The following MIR2052HG variants were observed in gnomAD, a reference collection of about 807,000 sequenced individuals.
MIR2052HG encodes the protein MIR2052 host gene.
Position 74,750,027 on chromosome 8 carries a change from C to G in MIR2052HG, n.372-2414C>G, listed in dbSNP as rs1809928272. On this transcript the variant is annotated intron_variant and non_coding_transcript_variant, in intron 4 of 6. Transcript: ENST00000523442. The stretch of plus-strand genomic sequence containing the variant: ...TTACATTTCTTTTCTCTGAGAGTCT[C>G]AAAGTCCAGTGGAGGGTCAGCCTGA... 3.3e-5 allele frequency among the ~76,000 whole-genome samples: 5 copies of G among 152,198 alleles called. No individual in the cohort carries two copies. In the South Asian group the frequency reaches 1.0e-3, roughly 32 times the overall value.
intron 2 of MIR2052HG, among the ~76,000 whole-genome samples, chr8:74,696,071 G>A (rs1271430416): frequency 6.6e-6 from 1 of 152,008 alleles, no homozygotes; most frequent in Non-Finnish European, 1.5e-5. Flanking sequence ...CATATAATAG[G>A]CCACAAAACA....
chr8:74,615,703 T>C (rs546192587), intron 2 of MIR2052HG, among the ~76,000 whole-genome samples: 4 of 152,168 alleles, frequency 2.6e-5, no homozygotes, highest in African/African-American at 9.6e-5. Flanking sequence ...GTTGGTGTGC[T>C]GCACCCATTA....
chr8:74,604,051 G>T lies in MIR2052HG; in HGVS notation n.128+4143G>T, dbSNP rs1808069645. The stretch of plus-strand genomic sequence containing the variant: ...AGCAAAGCCTTTGAAGACGGCATTA[G>T]CAGGTCCAGCAAAAGTGATAATTCT... On this transcript the variant is annotated intron_variant and non_coding_transcript_variant, in intron 1 of 6. Coordinates refer to ENST00000523442, the Ensembl canonical transcript of MIR2052HG. 3.1e-6 allele frequency: 3 copies of T among 958,262 alleles called. No individual in the cohort carries two copies. The Admixed American group carries it at 5.1e-5, about 16-fold the overall frequency. 59.4% of individuals were successfully genotyped at this position (958,262 alleles called of 1,614,324 possible).
At chr8:74,673,910 T>TATATATATATATATACAC (rs1485340799) in intron 2 of MIR2052HG, among the ~76,000 whole-genome samples, 21 of 133,208 alleles carry the variant, frequency 1.6e-4, no homozygotes, top group Middle Eastern at 3.7e-3. Context: ...TATATATATA[T>TATATATATATATATACAC]ACACACACAA....
chr8:74,702,305 T>TATTGG, intron 2 of MIR2052HG: 1 of 342,002 alleles, frequency 2.9e-6, no homozygotes, highest in South Asian at 2.2e-5. Flanking sequence ...TGCATAGTTA[T>TATTGG]ATTGGATGAT....
chr8:74,727,441 G>C (rs2128754528), intron 4 of MIR2052HG, among the ~76,000 whole-genome samples: 1 of 152,134 alleles, frequency 6.6e-6, no homozygotes, highest in East Asian at 1.9e-4. Flanking sequence ...TATTTAATTG[G>C]CTCAGAGATT....
intron 2 of MIR2052HG, among the ~76,000 whole-genome samples, chr8:74,691,697 G>T (rs554671790): frequency 2.6e-5 from 4 of 152,096 alleles, no homozygotes; most frequent in Admixed American, 2.0e-4. Context: ...ATATGAGGTG[G>T]CATATATGGA....
At chr8:74,613,097 G>A (rs749444447) in intron 2 of MIR2052HG, among the ~76,000 whole-genome samples, 4 of 152,192 alleles carry the variant, frequency 2.6e-5, no homozygotes, top group Non-Finnish European at 5.9e-5. Flanking sequence ...GTGGGTAGAG[G>A]TTCAGTTATG....
chr8:74,715,708 A>G (rs184014666), intron 4 of MIR2052HG, among the ~76,000 whole-genome samples: 79 of 152,330 alleles, frequency 5.2e-4, no homozygotes, highest in Non-Finnish European at 8.2e-4. Flanking sequence ...CCAGGCAAGG[A>G]TATTGCTTGC....
At chr8:74,629,153 C>T (rs892423649) in intron 2 of MIR2052HG, among the ~76,000 whole-genome samples, 7 of 152,040 alleles carry the variant, frequency 4.6e-5, no homozygotes, top group Non-Finnish European at 1.0e-4. Flanking sequence ...ATCACATAAA[C>T]GTTTTTAACA....
chr8:74,658,463 T>C (rs954584079), intron 2 of MIR2052HG, among the ~76,000 whole-genome samples: 1 of 151,998 alleles, frequency 6.6e-6, no homozygotes, highest in Non-Finnish European at 1.5e-5. Flanking sequence ...TGATCTTGGC[T>C]CACTGCAACC....
chr8:74,671,834 G>A (rs1808995995), intron 2 of MIR2052HG, among the ~76,000 whole-genome samples: 3 of 152,084 alleles, frequency 2.0e-5, no homozygotes, highest in South Asian at 4.1e-4. Flanking sequence ...CTTGCTCAAA[G>A]ATTCAATCTC....
At chr8:74,744,623 A>G (rs1809865138) in intron 4 of MIR2052HG, among the ~76,000 whole-genome samples, 2 of 151,878 alleles carry the variant, frequency 1.3e-5, no homozygotes, top group South Asian at 2.1e-4. Flanking sequence ...ATGATTTCCA[A>G]TTTCATCCAT....
intron 4 of MIR2052HG, among the ~76,000 whole-genome samples, chr8:74,735,531 G>C (rs980839507): frequency 6.6e-6 from 1 of 152,204 alleles, no homozygotes; most frequent in South Asian, 2.1e-4. Context: ...CACTCTTTCT[G>C]TTGGCACCAT....
rs1008060538 is a variant in MIR2052HG, at chr8:74,689,490, A to AT, written n.217-12881dup. On this transcript the variant is annotated intron_variant and non_coding_transcript_variant, in intron 2 of 6. Coordinates refer to ENST00000523442, the Ensembl canonical transcript of MIR2052HG. ...GTAGGACTAAGTGGTATAGTTTAAA[A>AT]TTTTTTTTCTCTTCTCAAAACAATT... 5.9e-5 allele frequency among the ~76,000 whole-genome samples: 9 copies of AT among 151,998 alleles called. No homozygotes were observed. In the South Asian group the frequency reaches 1.5e-3, roughly 25 times the overall value.
chr8:74,633,406 G>A (rs887900677), intron 2 of MIR2052HG: 10 of 152,060 alleles, frequency 6.6e-5, no homozygotes, highest in Non-Finnish European at 1.2e-4. Context: ...TAGTTCTTAG[G>A]CATTATGACT....
chr8:74,670,647 T>G (rs1808981626), intron 2 of MIR2052HG, among the ~76,000 whole-genome samples: 1 of 152,116 alleles, frequency 6.6e-6, no homozygotes, highest in African/African-American at 2.4e-5. Flanking sequence ...AAACAAAACA[T>G]GGAAGGACTT....
intron 2 of MIR2052HG, among the ~76,000 whole-genome samples, chr8:74,680,246 T>C (rs940139059): frequency 2.0e-5 from 3 of 152,206 alleles, no homozygotes; most frequent in Non-Finnish European, 4.4e-5. Flanking sequence ...CTAAGGCTTT[T>C]GTGGAGACAG....
intron 2 of MIR2052HG, among the ~76,000 whole-genome samples, chr8:74,648,726 C>T (rs563080025): frequency 1.9e-4 from 28 of 151,066 alleles, no homozygotes; most frequent in East Asian, 5.8e-4. Context: ...CTGGTTCCCC[C>T]GATACGTATT....
Sources: allele counts gnomAD v4.1 joint callset (sites outside exome capture counted in the v4.1 genomes callset), GRCh38; gene constraint gnomAD v4.1.1; transcripts MANE v1.5; gene names NCBI Gene and HGNC (gene_info 2026-07-23, HGNC 2026-07-21).